The following IGFL2 variants were observed in gnomAD, a reference collection of about 807,000 sequenced individuals.
IGFL2 encodes insulin growth factor-like family member 2.
IGFL2 carries 7 observed loss-of-function variants against 13.9 expected under a neutral mutation model. The observed-to-expected ratio is 0.51, with a 90% CI of 0.29 to 0.95. The LOEUF (loss-of-function observed/expected upper bound fraction) is 0.95, where lower values mean the gene tolerates loss of function less well. IGFL2 is among the 40% of genes least tolerant of loss of function. IGFL2 has a pLI of 0.08. For missense variants in IGFL2, 138 were observed against 147.8 expected, an observed-to-expected ratio of 0.93 and a Z score of 0.34; for synonymous variants, 55 against 55.8, an observed-to-expected ratio of 0.99 and a Z score of 0.07.
At chr19:46,206,418 A>G in the IGFL2 span, among the ~76,000 whole-genome samples, 2 of 152,166 alleles carry the variant, frequency 1.3e-5, no homozygotes, top group Admixed American at 1.3e-4. Flanking sequence ...GCCAAATGCC[A>G]CACCCAGTCT....
At chr19:46,181,057 A>G in the IGFL2 span, among the ~76,000 whole-genome samples, 2 of 152,222 alleles carry the variant, frequency 1.3e-5, no homozygotes, top group East Asian at 3.8e-4. Flanking sequence ...GTATTCAATC[A>G]AGTTGATACT....
the IGFL2 span, among the ~76,000 whole-genome samples, chr19:46,166,582 G>A: frequency 1.9e-3 from 295 of 152,282 alleles, 2 homozygotes; most frequent in African/African-American, 5.9e-3. Context: ...AATTTATTAG[G>A]CGGGAATTTC....
chr19:46,143,557 G>GGCCCA (rs1972959322), upstream of IGFL2, among the ~76,000 whole-genome samples: 1 of 151,856 alleles, frequency 6.6e-6, no homozygotes, highest in Non-Finnish European at 1.5e-5. Context: ...TGAGCCACCA[G>GGCCCA]GCCCAGCCAG....
chr19:46,102,677 G>A, the IGFL2 span, among the ~76,000 whole-genome samples: 19 of 152,154 alleles, frequency 1.2e-4, no homozygotes, highest in African/African-American at 2.4e-5. Flanking sequence ...TGAATCTTAA[G>A]TTGCTTCAGG....
the IGFL2 span, among the ~76,000 whole-genome samples, chr19:46,176,227 G>A: frequency 6.6e-6 from 1 of 151,506 alleles, no homozygotes; most frequent in Non-Finnish European, 1.5e-5. Flanking sequence ...GATCCAATTG[G>A]ATGACTAGAT....
the IGFL2 span, among the ~76,000 whole-genome samples, chr19:46,135,569 C>G: frequency 5.9e-5 from 9 of 152,308 alleles, no homozygotes; most frequent in South Asian, 1.9e-3. Context: ...TTCGTGAGAC[C>G]TTTGATCTGA....
intron 1 of IGFL2, among the ~76,000 whole-genome samples, chr19:46,151,495 CT>C (rs1410946740): frequency 6.6e-6 from 1 of 152,142 alleles, no homozygotes; most frequent in East Asian, 1.9e-4. Context: ...GTCACTATAG[CT>C]TTGTGGTAAG....
chr19:46,194,852 ATTTTTTTTTTTT>A, the IGFL2 span, among the ~76,000 whole-genome samples: 44 of 31,576 alleles, frequency 1.4e-3, no homozygotes, highest in Admixed American at 4.3e-3. Flanking sequence ...ATATATATAT[ATTTTTTTTTTTT>A]TTTTTTTTTT....
chr19:46,176,199 AAAAG>A, the IGFL2 span, among the ~76,000 whole-genome samples: 2 of 150,032 alleles, frequency 1.3e-5, no homozygotes, highest in African/African-American at 5.0e-5. Flanking sequence ...AAAAAAAAAG[AAAAG>A]AAAACTGGAG....
At chr19:46,202,051 T>C in the IGFL2 span, among the ~76,000 whole-genome samples, 430 of 151,560 alleles carry the variant, frequency 2.8e-3, 3 homozygotes, top group African/African-American at 9.8e-3. Flanking sequence ...TGAGGAGCAG[T>C]GTGGGGAGGA....
chr19:46,112,560 G>T, the IGFL2 span, among the ~76,000 whole-genome samples: 1 of 152,204 alleles, frequency 6.6e-6, no homozygotes, highest in Admixed American at 6.5e-5. Flanking sequence ...GTACAGTCAG[G>T]ACCACAAAGC....
chr19:46,125,230 G>T, the IGFL2 span, among the ~76,000 whole-genome samples: 1 of 152,228 alleles, frequency 6.6e-6, no homozygotes, highest in African/African-American at 2.4e-5. Flanking sequence ...TCCAATAAAG[G>T]GGGTAGGGGT....
the IGFL2 span, among the ~76,000 whole-genome samples, chr19:46,080,192 G>A: frequency 6.6e-6 from 1 of 152,072 alleles, no homozygotes; most frequent in Non-Finnish European, 1.5e-5. Context: ...AAAATTAATG[G>A]GATTTGACCT....
the IGFL2 span, chr19:46,120,424 A>G: frequency 1.9e-6 from 3 of 1,602,548 alleles, no homozygotes; most frequent in South Asian, 3.3e-5. Flanking sequence ...TATCCCCTAC[A>G]AAAGCAATTT....
At chr19:46,116,415 TAAAA>T in the IGFL2 span, among the ~76,000 whole-genome samples, 1 of 152,198 alleles carries the variant, frequency 6.6e-6, no homozygotes, top group Non-Finnish European at 1.5e-5. Context: ...TTTTAGTAAT[TAAAA>T]AAATACATTG....
the IGFL2 span, among the ~76,000 whole-genome samples, chr19:46,188,180 A>G: frequency 5.9e-5 from 9 of 151,956 alleles, no homozygotes; most frequent in South Asian, 1.5e-3. Context: ...CCCAATACCT[A>G]TTTCTCCCTA....
At chr19:46,181,070 A>G in the IGFL2 span, among the ~76,000 whole-genome samples, 1 of 152,234 alleles carries the variant, frequency 6.6e-6, no homozygotes, top group Non-Finnish European at 1.5e-5. Flanking sequence ...TTGATACTTA[A>G]TATTTGCCAT....
At chr19:46,091,604 G>A in the IGFL2 span, among the ~76,000 whole-genome samples, 1 of 152,282 alleles carries the variant, frequency 6.6e-6, no homozygotes, top group South Asian at 2.1e-4. Context: ...AAAGACTGAT[G>A]TCATTCATTG....
At chr19:46,081,337 C>T in the IGFL2 span, among the ~76,000 whole-genome samples, 3 of 152,234 alleles carry the variant, frequency 2.0e-5, no homozygotes, top group African/African-American at 7.2e-5. Context: ...GTGAATTTGT[C>T]TTTTTCACTC....
Sources: gnomAD v4.1 joint callset for allele counts (sites outside exome capture counted in the v4.1 genomes callset) on GRCh38, gnomAD v4.1.1 for gene constraint, MANE v1.5 for transcripts, NCBI Gene and HGNC (gene_info 2026-07-23, HGNC 2026-07-21) for gene names.